The following FHIT variants were observed in gnomAD, a reference collection of about 807,000 sequenced individuals.
FHIT encodes the protein fragile histidine triad diadenosine triphosphatase.
Under a neutral mutation model 17.9 loss-of-function variants are expected in FHIT, and 19 were observed. That is an observed-to-expected ratio of 1.06 (90% CI 0.74 to 1.56). The LOEUF (loss-of-function observed/expected upper bound fraction) is 1.56. Ranked by LOEUF, FHIT falls within the 40% of genes most tolerant of loss-of-function variation. The pLI is 0.00. For synonymous variants in FHIT, 81 were observed against 69.7 expected, an observed-to-expected ratio of 1.16 and a Z score of -0.81; for missense variants, 248 against 189.2, an observed-to-expected ratio of 1.31 and a Z score of -1.82.
At chr3:60,377,662 T>C (rs1219778849) in intron 5 of FHIT, among the ~76,000 whole-genome samples, 1 of 148,480 alleles carries the variant, frequency 6.7e-6, no homozygotes, top group Admixed American at 6.7e-5. Flanking sequence ...TTTGTATTTT[T>C]AGTAGAGACG....
chr3:59,930,249 G>A (rs1048119765), intron 7 of FHIT, among the ~76,000 whole-genome samples: 1 of 152,180 alleles, frequency 6.6e-6, no homozygotes, highest in African/African-American at 2.4e-5. Context: ...GGGCCAGTCA[G>A]ATGCAAGTCA....
intron 4 of FHIT, among the ~76,000 whole-genome samples, chr3:60,809,305 A>G (rs1701497807): frequency 6.6e-6 from 1 of 152,194 alleles, no homozygotes; most frequent in Admixed American, 6.5e-5. Context: ...CTTGAAAAAT[A>G]CATTGGCCCT....
At chr3:59,854,219 T>G (rs930070409) in intron 8 of FHIT, among the ~76,000 whole-genome samples, 1 of 152,188 alleles carries the variant, frequency 6.6e-6, no homozygotes, top group Non-Finnish European at 1.5e-5. Flanking sequence ...GAAATCAATC[T>G]CTGCTCTTCA....
At chr3:60,587,139 T>C (rs1292395502) in intron 4 of FHIT, among the ~76,000 whole-genome samples, 10 of 151,792 alleles carry the variant, frequency 6.6e-5, no homozygotes, top group Non-Finnish European at 1.5e-4. Flanking sequence ...AAAGAAAAAG[T>C]AGTATATATA....
intron 3 of FHIT, among the ~76,000 whole-genome samples, chr3:60,823,465 T>A (rs1419050669): frequency 3.9e-5 from 6 of 152,126 alleles, no homozygotes; most frequent in African/African-American, 1.4e-4. Flanking sequence ...TGATTGGATA[T>A]AAGAGGATGA....
At chr3:61,031,469 A>G (rs1399212779) in intron 3 of FHIT, among the ~76,000 whole-genome samples, 1 of 127,252 alleles carries the variant, frequency 7.9e-6, no homozygotes, top group Non-Finnish European at 1.7e-5. Context: ...TGATTACTTT[A>G]TAGAGAGAAA....
At chr3:59,936,936 A>G (rs1179429743) in intron 7 of FHIT, among the ~76,000 whole-genome samples, 1 of 152,210 alleles carries the variant, frequency 6.6e-6, no homozygotes, top group African/African-American at 2.4e-5. Flanking sequence ...CTAACAAAGA[A>G]ACCAGAAAGT....
intron 5 of FHIT, among the ~76,000 whole-genome samples, chr3:60,437,024 G>A (rs945972843): frequency 6.6e-6 from 1 of 152,058 alleles, no homozygotes; most frequent in African/African-American, 2.4e-5. Flanking sequence ...CTCGTATTTT[G>A]TACTTTCCTA....
At chr3:61,233,524 T>C (rs2040157248) in intron 1 of FHIT, among the ~76,000 whole-genome samples, 1 of 152,220 alleles carries the variant, frequency 6.6e-6, no homozygotes, top group Non-Finnish European at 1.5e-5. Flanking sequence ...TAAATGCTGA[T>C]TTAAAAGGCC....
At chr3:59,952,852 C>T (rs1169305140) in intron 7 of FHIT, among the ~76,000 whole-genome samples, 1 of 152,158 alleles carries the variant, frequency 6.6e-6, no homozygotes, top group African/African-American at 2.4e-5. Flanking sequence ...CAGCAAGATG[C>T]TCCCCTTGTG....
intron 5 of FHIT, among the ~76,000 whole-genome samples, chr3:60,298,226 T>C (rs943689677): frequency 1.3e-5 from 2 of 152,056 alleles, no homozygotes; most frequent in African/African-American, 4.8e-5. Context: ...CAGCATTGGC[T>C]ACTGATGATC....
chr3:60,035,070 A>G (rs1486371050), intron 5 of FHIT, among the ~76,000 whole-genome samples: 1 of 152,214 alleles, frequency 6.6e-6, no homozygotes, highest in Non-Finnish European at 1.5e-5. Context: ...CACTGAATAT[A>G]TAAACCTGAG....
At chr3:60,764,814 C>T (rs1357398254) in intron 4 of FHIT, among the ~76,000 whole-genome samples, 1 of 150,930 alleles carries the variant, frequency 6.6e-6, no homozygotes, top group African/African-American at 2.4e-5. Flanking sequence ...ATATAAATGA[C>T]ATGTCAATAT....
At chr3:60,830,355 T>C (rs1702288252) in intron 3 of FHIT, among the ~76,000 whole-genome samples, 2 of 152,168 alleles carry the variant, frequency 1.3e-5, no homozygotes, top group Admixed American at 6.5e-5. Context: ...CTGAAAAGTT[T>C]AGCATGATTT....
At chr3:60,074,076 G>T (rs1166315653) in intron 5 of FHIT, among the ~76,000 whole-genome samples, 2 of 152,084 alleles carry the variant, frequency 1.3e-5, no homozygotes, top group Non-Finnish European at 2.9e-5. Context: ...ACTATGAGAA[G>T]CAGATGTCTT....
intron 4 of FHIT, chr3:60,730,485 G>T: frequency 5.0e-6 from 1 of 198,820 alleles, no homozygotes; most frequent in South Asian, 1.2e-4. Context: ...TCTCCATGTT[G>T]ATGCCCAGGA....
At chr3:60,674,055 C>T (rs2040568432) in intron 4 of FHIT, among the ~76,000 whole-genome samples, 1 of 152,004 alleles carries the variant, frequency 6.6e-6, no homozygotes, top group South Asian at 2.1e-4. Flanking sequence ...AGACTTCTCG[C>T]TTTTGCCCCA....
chr3:60,046,879 C>T (rs1443909832), intron 5 of FHIT, among the ~76,000 whole-genome samples: 3 of 152,174 alleles, frequency 2.0e-5, no homozygotes, highest in Admixed American at 2.0e-4. Context: ...TAGTAAACAG[C>T]TTTCTCTGAT....
intron 4 of FHIT, among the ~76,000 whole-genome samples, chr3:60,582,089 G>A (rs1553659859): frequency 6.6e-6 from 1 of 152,024 alleles, no homozygotes; most frequent in African/African-American, 2.4e-5. Flanking sequence ...GCTGGAGGCT[G>A]CACTTTGGAA....
Sources: gnomAD v4.1 joint callset for allele counts (sites outside exome capture counted in the v4.1 genomes callset) on GRCh38, gnomAD v4.1.1 for gene constraint, MANE v1.5 for transcripts, NCBI Gene and HGNC (gene_info 2026-07-23, HGNC 2026-07-21) for gene names.